The following DNAJC15 variants were observed in gnomAD, a reference collection of about 807,000 sequenced individuals.
The protein encoded by DNAJC15 is dnaJ homolog subfamily C member 15.
A neutral mutation model predicts 22.4 loss-of-function variants in DNAJC15; 27 were observed. That is an observed-to-expected ratio of 1.20 (90% confidence interval 0.89 to 1.66). DNAJC15 has a LOEUF of 1.66. DNAJC15 is among the 40% of genes most tolerant of loss of function. DNAJC15 has a pLI of 0.00. For synonymous variants in DNAJC15, 79 were observed against 63.2 expected (o/e 1.25, Z -1.19); for missense variants, 208 against 187.1 (o/e 1.11, Z -0.65).
intron 3 of DNAJC15, among the ~76,000 whole-genome samples, chr13:43,076,405 C>T (rs979204711): frequency 6.6e-6 from 1 of 152,122 alleles, no homozygotes; most frequent in African/African-American, 2.4e-5. Flanking sequence ...TCCCTAGAAC[C>T]CATTTTTTAA....
intron 4 of DNAJC15, among the ~76,000 whole-genome samples, chr13:43,080,409 G>T (rs112258263): frequency 2.0e-5 from 3 of 152,146 alleles, no homozygotes; most frequent in Non-Finnish European, 4.4e-5. Context: ...TTGTGGCTGC[G>T]TAGTATTCCA....
rs536175997 is a variant in DNAJC15 at position 43,106,589 on chromosome 13, G to A, written c.383-589G>A. Among the ~76,000 whole-genome samples, 75 of 152,038 alleles carry A rather than the reference G, an allele frequency of 4.9e-4. 1 individual carries two copies. The highest frequency in any genetic ancestry group is 9.1e-4 in the Non-Finnish European group (62 of 67,900). On this transcript the variant is annotated intron_variant, in intron 5 of 5. Transcript: ENST00000379221. ...TTTCAGAGAACAAAAAAAATTTTTT[G>A]ACATTATTTTTATCTCTCATTTATT...
chr13:43,094,409 C>T lies in DNAJC15; in HGVS notation c.382+8571C>T, dbSNP rs2040729808. 2.0e-5 allele frequency among the ~76,000 whole-genome samples: 3 copies of T among 152,126 alleles called. No homozygotes were observed. In the South Asian group the frequency reaches 6.2e-4, roughly 32 times the overall value. On this transcript the variant is annotated intron_variant, in intron 5 of 5. Coordinates refer to ENST00000379221, the MANE Select transcript of DNAJC15 (RefSeq NM_013238.3). ...TTAATCAGAAAACCTGGGGTTGGGG[C>T]CCAGCATTTTGTGTGTTACGAAGCC...
At chr13:43,063,332 G>C (rs1187419328) in intron 1 of DNAJC15, among the ~76,000 whole-genome samples, 1 of 152,174 alleles carries the variant, frequency 6.6e-6, no homozygotes, top group African/African-American at 2.4e-5. Flanking sequence ...ATTAAAAGCA[G>C]TTCACATTTA....
chr13:43,078,274 T>A (rs1340218234), intron 3 of DNAJC15, among the ~76,000 whole-genome samples: 1 of 152,198 alleles, frequency 6.6e-6, no homozygotes, highest in African/African-American at 2.4e-5. Context: ...ATATCAACAT[T>A]AAATGACTTC....
chr13:43,097,924 C>G (rs2040748875), intron 5 of DNAJC15, among the ~76,000 whole-genome samples: 1 of 151,946 alleles, frequency 6.6e-6, no homozygotes, highest in Admixed American at 6.6e-5. Flanking sequence ...GCAACAAGAG[C>G]AAAACTCCAT....
chr13:43,103,009 T>G (rs9590741), intron 5 of DNAJC15, among the ~76,000 whole-genome samples: 46,342 of 151,986 alleles, frequency 0.3, 7,203 homozygotes, highest in African/African-American at 0.36. Context: ...AATTTTGAAA[T>G]GTTTTCTTTT....
At chr13:43,082,879 T>C (rs2040669067) in intron 4 of DNAJC15, among the ~76,000 whole-genome samples, 1 of 150,280 alleles carries the variant, frequency 6.7e-6, no homozygotes, top group African/African-American at 2.5e-5. Flanking sequence ...TATGTGCGTA[T>C]GCGTATATGT....
In DNAJC15 at chr13:43,052,254, C is replaced by T. The variant is rs181494011; in HGVS notation, c.109-13432C>T. ...CTGGGATTACAGGTGTGAGCCACCA[C>T]GCCCAGCCTATTTTTTGATTTTTAA... On this transcript the variant is annotated intron_variant, in intron 1 of 5. Coordinates refer to ENST00000379221, the MANE Select transcript of DNAJC15 (RefSeq NM_013238.3). 6.6e-5 allele frequency among the ~76,000 whole-genome samples: 10 copies of T among 152,168 alleles called. No homozygotes were observed. In the East Asian group the frequency reaches 1.2e-3, roughly 18 times the overall value.
At position 43,108,394 on chromosome 13, in the gene DNAJC15, T is replaced by A. The variant is rs2040808573; in HGVS notation, c.*1146T>A. 1.3e-5 allele frequency: 2 copies of A among 152,212 alleles called. No homozygotes were observed. Among genetic ancestry groups the A allele is most frequent in the African/African-American group, 4.8e-5 (2 of 41,466 alleles). 9.4% of individuals were successfully genotyped at this position (152,212 alleles called of 1,614,324 possible). A position where few individuals can be genotyped will look rare whatever the true frequency, so the allele number is the denominator to read the frequency against. On this transcript the variant is annotated 3_prime_UTR_variant, in exon 6 of 6. Transcript: ENST00000379221. ...ATTAAATTAATTTCTTAGAACATAG[T>A]CCCTGATCATTATCACTTTACTATT...
intron 5 of DNAJC15, among the ~76,000 whole-genome samples, chr13:43,102,320 C>T (rs2040773288): frequency 6.6e-6 from 1 of 151,930 alleles, no homozygotes; most frequent in Non-Finnish European, 1.5e-5. Flanking sequence ...CTTGTAGATT[C>T]TGTATATTAG....
chr13:43,092,458 A>G (rs2040719544), intron 5 of DNAJC15, among the ~76,000 whole-genome samples: 1 of 151,936 alleles, frequency 6.6e-6, no homozygotes. Context: ...TTTTACATTT[A>G]ATGTAGTTTA....
At chr13:43,091,075 T>G (rs751774954) in intron 5 of DNAJC15, among the ~76,000 whole-genome samples, 28 of 151,988 alleles carry the variant, frequency 1.8e-4, no homozygotes, top group Non-Finnish European at 3.5e-4. Context: ...TTTATTTTAT[T>G]TTTTTTATTT....
intron 1 of DNAJC15, among the ~76,000 whole-genome samples, chr13:43,028,269 G>A (rs2040389384): frequency 1.3e-5 from 2 of 152,176 alleles, no homozygotes; most frequent in African/African-American, 4.8e-5. Flanking sequence ...TGAACATGCT[G>A]ATTCTCCTCT....
chr13:43,097,833 A>C (rs1348946530), intron 5 of DNAJC15, among the ~76,000 whole-genome samples: 1 of 152,194 alleles, frequency 6.6e-6, no homozygotes, highest in African/African-American at 2.4e-5. Flanking sequence ...GCTACTCAGG[A>C]GGCTGAGGCA....
chr13:43,069,053 T>G lies in DNAJC15; in HGVS notation c.234+50T>G, dbSNP rs1010641382. ...GAAGACTCATTTTGATTTTTGTTCA[T>G]ATGACATATTTCAATTAACTTAGAA... On this transcript the variant is annotated intron_variant, in intron 3 of 5. Coordinates refer to ENST00000379221, the MANE Select transcript of DNAJC15 (RefSeq NM_013238.3). The G allele has an allele frequency of 5.2e-6, 8 of 1,540,302 alleles. No homozygotes were observed. In the African/African-American group the frequency reaches 1.1e-4, roughly 21 times the overall value.
At chr13:43,085,387 G>T (rs1364436979) in intron 4 of DNAJC15, among the ~76,000 whole-genome samples, 3 of 151,808 alleles carry the variant, frequency 2.0e-5, no homozygotes, top group Non-Finnish European at 4.4e-5. Flanking sequence ...GGAAAGTCCA[G>T]CAGTATGCCT....
chr13:43,100,143 T>C (rs1056715304), intron 5 of DNAJC15, among the ~76,000 whole-genome samples: 1 of 151,944 alleles, frequency 6.6e-6, no homozygotes, highest in Non-Finnish European at 1.5e-5. Flanking sequence ...TCTAATTTAT[T>C]GACATACAGT....
At chr13:43,027,991 A>G (rs2040388171) in intron 1 of DNAJC15, among the ~76,000 whole-genome samples, 1 of 152,060 alleles carries the variant, frequency 6.6e-6, no homozygotes, top group African/African-American at 2.4e-5. Context: ...TTACACCATA[A>G]TGGGAGGCTA....
Sources: gnomAD v4.1 joint callset for allele counts (sites outside exome capture counted in the v4.1 genomes callset) on GRCh38, gnomAD v4.1.1 for gene constraint, MANE v1.5 for transcripts, NCBI Gene and HGNC (gene_info 2026-07-23, HGNC 2026-07-21) for gene names.